The following ADAMTS6 variants were observed in gnomAD, a reference collection of about 807,000 sequenced individuals.
ADAMTS6 encodes ADAM metallopeptidase with thrombospondin type 1 motif 6, also known as A disintegrin and metalloproteinase with thrombospondin motifs 6.
ADAMTS6 carries 23 observed loss-of-function variants against 144.3 expected under a neutral mutation model. The ratio of observed to expected loss-of-function variants is 0.16; its 90% confidence interval spans 0.11 to 0.23. The LOEUF (loss-of-function observed/expected upper bound fraction) is 0.23, where lower values mean the gene tolerates loss of function less well. ADAMTS6 is among the 10% of genes least tolerant of loss of function. The probability of loss-of-function intolerance (pLI) is 1.00; values close to 1 mark genes in which losing one functional copy is unlikely to be tolerated. For missense variants in ADAMTS6, 999 were observed against 1,379.6 expected, an observed-to-expected ratio of 0.72 and a Z score of 4.37; for synonymous variants, 444 against 457.5, an observed-to-expected ratio of 0.97 and a Z score of 0.38.
chr5:65,259,666 C>A (rs78152071), intron 14 of ADAMTS6, among the ~76,000 whole-genome samples: 5 of 152,200 alleles, frequency 3.3e-5, no homozygotes, highest in Non-Finnish European at 7.4e-5. Context: ...TCAGTAAGTA[C>A]AGACAAGTCT....
chr5:65,156,418 T>A (rs1752426754), intron 24 of ADAMTS6, among the ~76,000 whole-genome samples: 1 of 152,052 alleles, frequency 6.6e-6, no homozygotes. Flanking sequence ...AAGCTGTATA[T>A]AAGTTAAATC....
At chr5:65,369,514 C>G (rs1217610150) in intron 7 of ADAMTS6, among the ~76,000 whole-genome samples, 1 of 148,946 alleles carries the variant, frequency 6.7e-6, no homozygotes, top group East Asian at 2.0e-4. Context: ...GCTAGCTAAA[C>G]CATTAATCAC....
At chr5:65,450,107 A>G (rs1334193025) in intron 7 of ADAMTS6, among the ~76,000 whole-genome samples, 1 of 152,174 alleles carries the variant, frequency 6.6e-6, no homozygotes, top group East Asian at 1.9e-4. Flanking sequence ...CCACATTCGC[A>G]CAATTCCTAG....
chr5:65,163,403 G>A (rs892007110), intron 24 of ADAMTS6, among the ~76,000 whole-genome samples: 8 of 152,100 alleles, frequency 5.3e-5, no homozygotes, highest in Admixed American at 2.0e-4. Flanking sequence ...AATTAATGTA[G>A]CATAGGGTTA....
intron 7 of ADAMTS6, among the ~76,000 whole-genome samples, chr5:65,403,128 G>T (rs1041293360): frequency 1.3e-5 from 2 of 152,040 alleles, no homozygotes; most frequent in Non-Finnish European, 2.9e-5. Context: ...AGATGATGAT[G>T]CTTTCCTCCT....
chr5:65,398,717 GAGAA>G lies in ADAMTS6; in HGVS notation c.1073+52754_1073+52757del, dbSNP rs112382209. Among the ~76,000 whole-genome samples the G allele has an allele frequency of 2.0e-3, 291 of 148,912 alleles. 3 individuals carry two copies. Among genetic ancestry groups the G allele is most frequent in the African/African-American group, 7.1e-3 (278 of 39,386 alleles). ...ACAGAGCGAGACTCTGTCAGAAAGA[GAGAA>G]AGAGAGAGAGAGAGAAAGAGAGATA... On this transcript the variant is annotated intron_variant, in intron 7 of 24. Coordinates refer to ENST00000381055, the MANE Select transcript of ADAMTS6 (RefSeq NM_197941.4).
intron 7 of ADAMTS6, among the ~76,000 whole-genome samples, chr5:65,366,490 T>C (rs1317654798): frequency 6.6e-6 from 1 of 152,202 alleles, no homozygotes; most frequent in Non-Finnish European, 1.5e-5. Flanking sequence ...ACAATGCCCC[T>C]GGTAGCTGAG....
At chr5:65,230,616 A>T (rs1415143297) in intron 15 of ADAMTS6, among the ~76,000 whole-genome samples, 4 of 98,704 alleles carry the variant, frequency 4.1e-5, no homozygotes, top group African/African-American at 1.8e-4. Context: ...AAATATATAT[A>T]ACACATATGT....
intron 7 of ADAMTS6, among the ~76,000 whole-genome samples, chr5:65,438,709 T>C (rs1211012247): frequency 1.3e-5 from 2 of 152,218 alleles, no homozygotes; most frequent in Non-Finnish European, 2.9e-5. Flanking sequence ...GTGCTGCAGA[T>C]ATAGTATGTA....
chr5:65,297,025 G>C (rs1166037186), intron 10 of ADAMTS6: 2 of 326,748 alleles, frequency 6.1e-6, no homozygotes, highest in African/African-American at 4.4e-5. Context: ...CAATGAGTGT[G>C]AGCCATAATA....
At chr5:65,266,424 C>T (rs1053670327) in intron 12 of ADAMTS6, among the ~76,000 whole-genome samples, 1 of 151,850 alleles carries the variant, frequency 6.6e-6, no homozygotes, top group African/African-American at 2.4e-5. Flanking sequence ...AAGTAACAAA[C>T]ATTAATGGGT....
chr5:65,274,063 A>G (rs1198864468), intron 11 of ADAMTS6, among the ~76,000 whole-genome samples: 1 of 152,168 alleles, frequency 6.6e-6, no homozygotes, highest in Non-Finnish European at 1.5e-5. Context: ...TTTTGAACAA[A>G]TGCTGCTGTT....
At chr5:65,325,046 T>C (rs1278802321) in intron 9 of ADAMTS6, among the ~76,000 whole-genome samples, 1 of 151,902 alleles carries the variant, frequency 6.6e-6, no homozygotes, top group African/African-American at 2.4e-5. Flanking sequence ...CACAAAAGAG[T>C]ACCCACTGAG....
intron 7 of ADAMTS6, among the ~76,000 whole-genome samples, chr5:65,341,629 C>A (rs924868274): frequency 2.6e-5 from 4 of 152,042 alleles, no homozygotes; most frequent in African/African-American, 9.7e-5. Flanking sequence ...ACACATGCAA[C>A]TTACTAAGGT....
chr5:65,443,120 A>C (rs1757994994), intron 7 of ADAMTS6, among the ~76,000 whole-genome samples: 1 of 152,176 alleles, frequency 6.6e-6, no homozygotes. Context: ...TGCTATTGTG[A>C]ATAGTGCTGC....
chr5:65,332,801 A>G (rs867980630), intron 8 of ADAMTS6, among the ~76,000 whole-genome samples: 1 of 152,138 alleles, frequency 6.6e-6, no homozygotes, highest in Non-Finnish European at 1.5e-5. Context: ...AGCTTAAAAC[A>G]CTACAAAGTA....
At chr5:65,384,806 T>C (rs1007757888) in intron 7 of ADAMTS6, among the ~76,000 whole-genome samples, 1 of 152,202 alleles carries the variant, frequency 6.6e-6, no homozygotes, top group Non-Finnish European at 1.5e-5. Flanking sequence ...GATACCATTA[T>C]CTGTTTCAGT....
At chr5:65,333,521 T>G (rs1279865669) in intron 8 of ADAMTS6, among the ~76,000 whole-genome samples, 1 of 151,960 alleles carries the variant, frequency 6.6e-6, no homozygotes, top group Non-Finnish European at 1.5e-5. Context: ...TCCAATACTA[T>G]CTTAATTTAT....
chr5:65,464,972 C>G (rs1759891397), intron 3 of ADAMTS6, among the ~76,000 whole-genome samples: 2 of 152,188 alleles, frequency 1.3e-5, no homozygotes, highest in Non-Finnish European at 2.9e-5. Flanking sequence ...AATTCCCTTA[C>G]CTCTTTCTCA....
Sources: gnomAD v4.1 joint callset for allele counts (sites outside exome capture counted in the v4.1 genomes callset) on GRCh38, gnomAD v4.1.1 for gene constraint, MANE v1.5 for transcripts, NCBI Gene and HGNC (gene_info 2026-07-23, HGNC 2026-07-21) for gene names.